ADAMTS9: variants seen among roughly 807,000 people sequenced by gnomAD.
ADAMTS9 encodes ADAM metallopeptidase with thrombospondin type 1 motif 9.
In ADAMTS9, 107 loss-of-function variants were observed where a neutral mutation model predicts 257.1. The observed-to-expected ratio is 0.42, with a 90% CI of 0.36 to 0.49. ADAMTS9 has a LOEUF of 0.49. ADAMTS9 is among the 20% of genes least tolerant of loss of function. The pLI, the probability that ADAMTS9 is intolerant of heterozygous loss-of-function variation, is 0.03. For synonymous variants in ADAMTS9, 982 were observed against 880.9 expected, an observed-to-expected ratio of 1.11 and a Z score of -2.03; for missense variants, 2,353 against 2,469.1, an observed-to-expected ratio of 0.95 and a Z score of 1.00.
At chr3:64,685,386 T>TGCTTC (rs1701873642) in intron 2 of ADAMTS9, 1 of 152,356 alleles carries the variant, frequency 6.6e-6, no homozygotes, top group Non-Finnish European at 1.5e-5. Context: ...GGGCTGTGGG[T>TGCTTC]GCTTCGGGAA....
At chr3:64,551,474 G>T (rs1415336595) in intron 30 of ADAMTS9, among the ~76,000 whole-genome samples, 3 of 152,148 alleles carry the variant, frequency 2.0e-5, no homozygotes, top group African/African-American at 4.8e-5. Flanking sequence ...CTCCCAAAGT[G>T]CTGGGATTAC....
At chr3:64,660,565 C>T (rs931294260) in intron 3 of ADAMTS9, among the ~76,000 whole-genome samples, 1 of 152,154 alleles carries the variant, frequency 6.6e-6, no homozygotes, top group Non-Finnish European at 1.5e-5. Context: ...CTATCCTGCC[C>T]CATCCTGCCT....
chr3:64,643,504 G>C (rs1700710918), intron 11 of ADAMTS9, among the ~76,000 whole-genome samples: 1 of 124,124 alleles, frequency 8.1e-6, no homozygotes, highest in Non-Finnish European at 1.6e-5. Context: ...CCAGGCTGGA[G>C]TGCAGTGGTG....
At position 64,561,642 on chromosome 3, in the gene ADAMTS9, G is replaced by A. The variant is rs1031267747; in HGVS notation, c.4634C>T (p.Ser1545Leu). The change falls in exon 30 of 40, where the codon TCG becomes TTG. Residue 1545 changes from serine to leucine, a missense_variant. Ser to Leu is a moderately radical substitution (Grantham distance 145, BLOSUM62 -2). Coordinates refer to ENST00000498707, the MANE Select transcript of ADAMTS9 (RefSeq NM_182920.2). Reference sequence around the variant, plus strand: ...CCGTGGGCCTTGGCAGTCGCGTTCCGACTCCGGTCTGGTGTATGGGTTGCA... The same window carrying A: ...CCGTGGGCCTTGGCAGTCGCGTTCCAACTCCGGTCTGGTGTATGGGTTGCA... ...TECNPYTRPESERDCQGPRCP... is the reference protein window; with the variant it reads ...TECNPYTRPELERDCQGPRCP... 24 of 1,613,922 alleles carry A rather than the reference G, an allele frequency of 1.5e-5. No homozygotes were observed. The highest frequency in any genetic ancestry group is 1.9e-5 in the Non-Finnish European group (22 of 1,180,004).
intron 30 of ADAMTS9, among the ~76,000 whole-genome samples, chr3:64,560,615 G>GGAT (rs1162715675): frequency 2.0e-5 from 3 of 151,982 alleles, no homozygotes; most frequent in Non-Finnish European, 4.4e-5. Flanking sequence ...CTGCAAAATG[G>GGAT]GATGATGATA....
intron 28 of ADAMTS9, among the ~76,000 whole-genome samples, chr3:64,570,849 G>A (rs550924933): frequency 1.3e-4 from 20 of 152,152 alleles, no homozygotes; most frequent in African/African-American, 4.8e-4. Flanking sequence ...TTACAGAGAT[G>A]GGGAAAACTG....
intron 29 of ADAMTS9, among the ~76,000 whole-genome samples, chr3:64,565,241 A>G (rs2083512923): frequency 6.6e-6 from 1 of 152,258 alleles, no homozygotes; most frequent in Admixed American, 6.5e-5. Context: ...TCAGAATGAC[A>G]TCACAATACA....
intron 38 of ADAMTS9, among the ~76,000 whole-genome samples, chr3:64,526,040 TATA>T (rs1424305149): frequency 4.8e-5 from 7 of 147,210 alleles, no homozygotes; most frequent in Non-Finnish European, 1.0e-4. Context: ...TATAATGTAT[TATA>T]ATCTTATGTG....
At chr3:64,551,499 A>C (rs1432056804) in intron 30 of ADAMTS9, among the ~76,000 whole-genome samples, 1 of 151,586 alleles carries the variant, frequency 6.6e-6, no homozygotes, top group Non-Finnish European at 1.5e-5. Context: ...GTGAGCCACC[A>C]CTCCCGGCCG....
At chr3:64,538,761 C>T (rs764487371) in intron 37 of ADAMTS9, among the ~76,000 whole-genome samples, 12 of 152,002 alleles carry the variant, frequency 7.9e-5, no homozygotes, top group Admixed American at 1.3e-4. Context: ...ATAATGTTGA[C>T]GGCTTGAAAT....
intron 8 of ADAMTS9, 60 bp downstream of exon 8, chr3:64,654,293 C>G (rs956409258): frequency 1.3e-6 from 2 of 1,495,742 alleles, no homozygotes; most frequent in Non-Finnish European, 1.8e-6. Flanking sequence ...CTCACTGATG[C>G]GAAGGAATAA....
At chr3:64,591,395 G>A (rs376315910) in intron 28 of ADAMTS9, among the ~76,000 whole-genome samples, 56 of 151,446 alleles carry the variant, frequency 3.7e-4, no homozygotes, top group East Asian at 1.4e-3. Flanking sequence ...AGCCGAGATC[G>A]CACCACTGCA....
chr3:64,668,661 G>T (rs1424055798), intron 3 of ADAMTS9, among the ~76,000 whole-genome samples: 3 of 152,180 alleles, frequency 2.0e-5, no homozygotes, highest in African/African-American at 7.2e-5. Context: ...AAGTCCTCTG[G>T]AGGCACGGGC....
At chr3:64,557,134 T>C (rs959477608) in intron 30 of ADAMTS9, among the ~76,000 whole-genome samples, 1 of 152,046 alleles carries the variant, frequency 6.6e-6, no homozygotes, top group African/African-American at 2.4e-5. Flanking sequence ...AAGTGACATC[T>C]AGGTTGAGGC....
At position 64,541,824 on chromosome 3, in the gene ADAMTS9, G is replaced by A. The variant is rs1490116171; in HGVS notation, c.5197+14C>T. On this transcript the variant is annotated intron_variant, in intron 33 of 39. Transcript: ENST00000498707. Reference sequence around the variant, plus strand: ...TTCATGCTAAAGAAAGATAACTTCAGTTGGCCAACTTACAGTTATAGACAT... The same window carrying A: ...TTCATGCTAAAGAAAGATAACTTCAATTGGCCAACTTACAGTTATAGACAT... 5 of 1,613,912 alleles carry A rather than the reference G, an allele frequency of 3.1e-6. No individual in the cohort carries two copies. Among genetic ancestry groups the A allele is most frequent in the African/African-American group, 1.3e-5 (1 of 74,940 alleles).
chr3:64,636,796 A>T (rs889096717), intron 12 of ADAMTS9, among the ~76,000 whole-genome samples: 1 of 152,232 alleles, frequency 6.6e-6, no homozygotes, highest in African/African-American at 2.4e-5. Context: ...GTTTCTTCGT[A>T]TATCAGTAAG....
intron 31 of ADAMTS9, chr3:64,550,580 C>T: frequency 3.2e-6 from 1 of 308,568 alleles, no homozygotes; most frequent in Non-Finnish European, 6.0e-6. Context: ...TGTCTTCAGG[C>T]ACCTCACAGC....
rs1379877729 is a variant in ADAMTS9, at chr3:64,550,717, A to C, written c.4869+175T>G. 9.8e-6 allele frequency: 7 copies of C among 712,538 alleles called. No homozygotes were observed. The Admixed American group carries it at 2.0e-4, about 21-fold the overall frequency. The allele number at this position is 712,538 out of a possible 1,614,324, so 44.1% of individuals were successfully genotyped here. A position where few individuals can be genotyped will look rare whatever the true frequency, so the allele number is the denominator to read the frequency against. ...CTTACATCTCTCCCGCTTTGCATACAAGGAATTCTAGCTTGGGAAAGCTGA... is the reference window on the plus strand; with the variant it reads ...CTTACATCTCTCCCGCTTTGCATACCAGGAATTCTAGCTTGGGAAAGCTGA... On this transcript the variant is annotated intron_variant, in intron 31 of 39. Transcript: ENST00000498707.
At chr3:64,519,943 G>A (rs148303641) in intron 39 of ADAMTS9, among the ~76,000 whole-genome samples, 72 of 152,224 alleles carry the variant, frequency 4.7e-4, no homozygotes, top group African/African-American at 1.7e-3. Flanking sequence ...ATCTTAGCCA[G>A]AGCAATCAGG....
Sources: gnomAD v4.1 joint callset for allele counts (sites outside exome capture counted in the v4.1 genomes callset) on GRCh38, gnomAD v4.1.1 for gene constraint, MANE v1.5 for transcripts, NCBI Gene and HGNC (gene_info 2026-07-23, HGNC 2026-07-21) for gene names.